Variants in NEK10 observed in about 807,000 individuals in gnomAD.
NEK10 encodes serine/threonine-protein kinase Nek10.
In NEK10, 122 loss-of-function variants were observed where a neutral mutation model predicts 159.8. The ratio of observed to expected loss-of-function variants is 0.76; its 90% CI spans 0.66 to 0.89. The LOEUF is 0.89. NEK10 is among the 40% of genes least tolerant of loss of function. NEK10 has a pLI of 0.00. For synonymous variants in NEK10, 466 were observed against 457.1 expected (o/e 1.02, Z -0.25); for missense variants, 1,342 against 1,323.1 (o/e 1.01, Z -0.22).
rs1452148601 is a variant in NEK10, at chr3:27,109,519, T to C, written c.*1753A>G. On this transcript the variant is annotated 3_prime_UTR_variant, in exon 36 of 36. Transcript: ENST00000691995. ...CCACGGTACACCTTTTGAATACTAT[T>C]CTTTCCTAAATTCTGTTTACTATAT... is the stretch of plus-strand genomic sequence containing the variant. Among the ~76,000 whole-genome samples, 2 of 152,178 alleles carry C rather than the reference T, an allele frequency of 1.3e-5. No homozygotes were observed. Among genetic ancestry groups the C allele is most frequent in the Non-Finnish European group, 2.9e-5 (2 of 68,026 alleles).
chr3:27,339,514 C>T (rs1319489282), intron 5 of NEK10, among the ~76,000 whole-genome samples: 2 of 152,100 alleles, frequency 1.3e-5, no homozygotes, highest in Non-Finnish European at 2.9e-5. Context: ...GGCACAGTGG[C>T]TCACGCTTGT....
chr3:27,344,100 G>C (rs144423463), intron 5 of NEK10, among the ~76,000 whole-genome samples, 172 bp downstream of exon 5: 272 of 152,212 alleles, frequency 1.8e-3, no homozygotes, highest in African/African-American at 5.2e-3. Context: ...GCTAAATTCA[G>C]TACCTAATCA....
intron 8 of NEK10, chr3:27,311,846 A>G: frequency 2.4e-6 from 1 of 421,484 alleles, no homozygotes; most frequent in South Asian, 4.4e-5. Context: ...AGATTTTACC[A>G]AAATTTGCTT....
At chr3:27,209,911 T>C (rs948494681) in intron 23 of NEK10, among the ~76,000 whole-genome samples, 1 of 152,084 alleles carries the variant, frequency 6.6e-6, no homozygotes, top group Non-Finnish European at 1.5e-5. Flanking sequence ...GTAGAGAAAA[T>C]CTACATTCAT....
rs541444234 is a variant in NEK10, at chr3:27,125,459, C to T, written c.3082-5591G>A. The stretch of plus-strand genomic sequence containing the variant: ...TCAACACATTTCATCACTCTGCACT[C>T]GCCAGTCTTCTGGTCTTACTTCCCT... On this transcript the variant is annotated intron_variant, in intron 32 of 35. Transcript: ENST00000691995. Among the ~76,000 whole-genome samples, 6 of 152,202 alleles carry T rather than the reference C, an allele frequency of 3.9e-5. No individual in the cohort carries two copies. In the East Asian group the frequency reaches 1.2e-3, roughly 29 times the overall value.
intron 31 of NEK10, among the ~76,000 whole-genome samples, chr3:27,138,710 G>A (rs548659415): frequency 6.6e-6 from 1 of 152,198 alleles, no homozygotes; most frequent in Non-Finnish European, 1.5e-5. Context: ...GTTTGACTGT[G>A]CCCTTGGAAC....
At chr3:27,127,062 A>C (rs1339366351) in intron 32 of NEK10, among the ~76,000 whole-genome samples, 1 of 152,204 alleles carries the variant, frequency 6.6e-6, no homozygotes, top group Admixed American at 6.5e-5. Flanking sequence ...AAAAAACTTC[A>C]AACATTTACA....
Position 27,256,291 on chromosome 3 carries a change from C to A in NEK10, c.2090+5G>T. 3 of 1,447,034 alleles carry A rather than the reference C, an allele frequency of 2.1e-6. No individual in the cohort carries two copies. The highest frequency in any genetic ancestry group is 2.3e-5 in the Admixed American group (1 of 42,888). The allele number at this position is 1,447,034 out of a possible 1,614,324, so 89.6% of individuals were successfully genotyped here. ...GTTTGAGAGCCATAAAAGAATTGTC[C>A]TTACCAAGAATACAGGATTGTTCCA... is the stretch of plus-strand genomic sequence containing the variant. On this transcript the variant is annotated splice_donor_5th_base_variant and intron_variant, in intron 23 of 35. Coordinates refer to ENST00000691995, the MANE Select transcript of NEK10 (RefSeq NM_001394966.1).
intron 31 of NEK10, among the ~76,000 whole-genome samples, chr3:27,139,286 C>T (rs1943540230): frequency 2.0e-5 from 3 of 152,170 alleles, no homozygotes; most frequent in Admixed American, 2.0e-4. Context: ...TAGCTTGCCA[C>T]TCTGTGTCTG....
chr3:27,223,250 T>A (rs1952297435), intron 23 of NEK10, among the ~76,000 whole-genome samples: 1 of 152,216 alleles, frequency 6.6e-6, no homozygotes, highest in African/African-American at 2.4e-5. Context: ...CTTTCCTGTC[T>A]GGAAACAAGG....
chr3:27,217,747 T>C (rs1050191261), intron 23 of NEK10, among the ~76,000 whole-genome samples: 5 of 151,996 alleles, frequency 3.3e-5, no homozygotes, highest in Admixed American at 2.6e-4. Flanking sequence ...AAATATTCAA[T>C]AAAATACTAG....
rs547219395 is a variant in NEK10, at chr3:27,174,714, G to A, written c.2625C>T (p.Asp875=). 11 of 1,613,528 alleles carry A rather than the reference G, an allele frequency of 6.8e-6. No individual in the cohort carries two copies. In the African/African-American group the frequency reaches 9.3e-5, roughly 14 times the overall value. Residue 875 remains aspartate (D), a synonymous_variant, in exon 27 of 36, where the codon GAC becomes GAT. Coordinates refer to ENST00000691995, the MANE Select transcript of NEK10 (RefSeq NM_001394966.1). ...PEGFQASYGK[D]EDRACDEILS... ...GGATTTCGTCACAGGCCCTGTCTTC[G>A]TCTTTACCATAGGAGGCCTGGAAGC...
At chr3:27,341,649 C>A (rs905409748) in intron 5 of NEK10, among the ~76,000 whole-genome samples, 3 of 152,096 alleles carry the variant, frequency 2.0e-5, no homozygotes, top group Admixed American at 6.5e-5. Context: ...ATTAACAAGT[C>A]TTTTCCAGTT....
chr3:27,174,636 G>T lies in NEK10; in HGVS notation c.2689+14C>A, dbSNP rs1229247770. On this transcript the variant is annotated intron_variant, in intron 27 of 35. Transcript: ENST00000691995. ...CTAGCAGTACCTACGTTGACACACT[G>T]CCACTAGCAGTACCTTTCTCAGCAT... 1 of 1,605,084 alleles carries T rather than the reference G, an allele frequency of 6.2e-7. No homozygotes were observed. The highest frequency in any genetic ancestry group is 8.5e-7 in the Non-Finnish European group (1 of 1,175,802).
At chr3:27,365,622 T>G (rs2049022157) in intron 1 of NEK10, among the ~76,000 whole-genome samples, 1 of 139,196 alleles carries the variant, frequency 7.2e-6, no homozygotes, top group African/African-American at 2.7e-5. Context: ...TTTTTTTTTT[T>G]TTTTTTTTGA....
intron 26 of NEK10, among the ~76,000 whole-genome samples, chr3:27,179,806 C>T (rs1408279419): frequency 2.6e-5 from 4 of 152,130 alleles, no homozygotes; most frequent in African/African-American, 9.7e-5. Context: ...GGGGGCTGGG[C>T]GTGGTGGTTC....
At chr3:27,128,070 C>G (rs574243221) in intron 32 of NEK10, among the ~76,000 whole-genome samples, 1 of 152,234 alleles carries the variant, frequency 6.6e-6, no homozygotes, top group South Asian at 2.1e-4. Context: ...AAACTTTTCC[C>G]GTAAAGGATC....
intron 26 of NEK10, among the ~76,000 whole-genome samples, chr3:27,177,462 A>G (rs1947630277): frequency 6.6e-6 from 1 of 151,942 alleles, no homozygotes; most frequent in Non-Finnish European, 1.5e-5. Flanking sequence ...GGAGAATGGC[A>G]TGATCCCAGG....
intron 29 of NEK10, among the ~76,000 whole-genome samples, chr3:27,163,210 G>T (rs1946179207): frequency 6.6e-6 from 1 of 151,738 alleles, no homozygotes; most frequent in Non-Finnish European, 1.5e-5. Flanking sequence ...TCCCTTGTTT[G>T]CCTTGCCCCA....
Sources: gnomAD v4.1 joint callset for allele counts (sites outside exome capture counted in the v4.1 genomes callset) on GRCh38, gnomAD v4.1.1 for gene constraint, MANE v1.5 for transcripts, NCBI Gene and HGNC (gene_info 2026-07-23, HGNC 2026-07-21) for gene names.